The following KIF11 variants were observed in gnomAD, a reference collection of about 807,000 sequenced individuals.
KIF11 encodes the protein kinesin family member 11.
Under a neutral mutation model 121.0 loss-of-function variants are expected in KIF11, and 9 were observed. That is an observed-to-expected ratio of 0.07 (90% CI 0.04 to 0.13). The LOEUF (loss-of-function observed/expected upper bound fraction) is 0.13, where lower values mean the gene tolerates loss of function less well. Ranked by LOEUF, KIF11 falls within the 10% of genes least tolerant of loss-of-function variation. KIF11 has a pLI of 1.00. For missense variants in KIF11, 846 were observed against 1,217.5 expected (o/e 0.69, Z 4.54); for synonymous variants, 408 against 421.0 (o/e 0.97, Z 0.38).
At chr10:92,600,082 T>C (rs1844352410) in intron 1 of KIF11, among the ~76,000 whole-genome samples, 1 of 151,024 alleles carries the variant, frequency 6.6e-6, no homozygotes, top group African/African-American at 2.4e-5. Context: ...CTCGGCTCAC[T>C]GCAACCTCCG....
chr10:92,626,872 G>T (rs995558690), intron 10 of KIF11, among the ~76,000 whole-genome samples: 1 of 151,714 alleles, frequency 6.6e-6, no homozygotes, highest in Non-Finnish European at 1.5e-5. Flanking sequence ...CCATTCTCTC[G>T]CCTCAGCCTC....
At chr10:92,627,464 ACT>A (rs1339413512) in intron 10 of KIF11, among the ~76,000 whole-genome samples, 1 of 152,080 alleles carries the variant, frequency 6.6e-6, no homozygotes, top group African/African-American at 2.4e-5. Flanking sequence ...GTTTCTAAAA[ACT>A]CTTTTCTGCC....
rs769537935 is a variant in KIF11, at chr10:92,637,296, C to T, written c.1988C>T (p.Thr663Ile). The T allele has an allele frequency of 1.3e-6, 2 of 1,593,524 alleles. No homozygotes were observed. The highest frequency in any genetic ancestry group is 1.4e-5 in the African/African-American group (1 of 73,532). ...AAGCATATTTTCAAGACTTCATTGACAGTGGCCGATAAGGTAACAAATGCT... is the reference window on the plus strand; with the variant it reads ...AAGCATATTTTCAAGACTTCATTGATAGTGGCCGATAAGGTAACAAATGCT... ...QLKHIFKTSL[T>I]VADKIEDQKK... Residue 663 changes from threonine to isoleucine, a missense_variant, in exon 15 of 22, where the codon ACA (threonine) becomes ATA (isoleucine). Thr to Ile is a moderately conservative substitution (Grantham distance 89, BLOSUM62 -1). Coordinates refer to ENST00000260731, the MANE Select transcript of KIF11 (RefSeq NM_004523.4).
Position 92,637,260 on chromosome 10 carries a change from A to T in KIF11, c.1952A>T (p.Asn651Ile). The T allele has an allele frequency of 6.3e-7, 1 of 1,590,630 alleles. No homozygotes were observed. The highest frequency in any genetic ancestry group is 8.5e-7 in the Non-Finnish European group (1 of 1,174,696). ...SPTVVSILKI[N>I]SQLKHIFKTS... ...ACTGTGGTGTCTATACTGAAAATCA[A>T]TAGTCAACTAAAGCATATTTTCAAG... Residue 651 changes from asparagine (N) to isoleucine (I), a missense_variant, in exon 15 of 22, where the codon AAT (asparagine) becomes ATT (isoleucine). Asn to Ile is a moderately radical substitution (Grantham distance 149, BLOSUM62 -3). Transcript: ENST00000260731.
At chr10:92,627,721 T>C (rs79126579) in intron 10 of KIF11, among the ~76,000 whole-genome samples, 3,164 of 152,302 alleles carry the variant, frequency 0.021, 49 homozygotes, top group Admixed American at 0.052. Flanking sequence ...GACCTGTAAG[T>C]TCACTATAGA....
intron 21 of KIF11, among the ~76,000 whole-genome samples, chr10:92,651,509 T>G (rs12241432): frequency 6.2e-5 from 2 of 32,140 alleles, no homozygotes; most frequent in Non-Finnish European, 5.4e-5. Flanking sequence ...CTAATTTTGT[T>G]TTTTTTTTTT....
chr10:92,645,732 G>T, intron 18 of KIF11, 90 bp downstream of exon 18: 2 of 1,014,622 alleles, frequency 2.0e-6, no homozygotes, highest in East Asian at 4.9e-5. Flanking sequence ...CAAAACAAAT[G>T]ATATTTTAAG....
rs76363040 is a variant in KIF11, at chr10:92,604,779, G to A, written c.78-1486G>A. On this transcript the variant is annotated intron_variant, in intron 1 of 21. Transcript: ENST00000260731. ...AAAAATGAACTCAGGTCAAGATTAT[G>A]TCTCTCCCTTTGGCCCAGACATGTA... 3.2e-3 allele frequency among the ~76,000 whole-genome samples: 481 copies of A among 152,242 alleles called. 1 individual carries two copies. The highest frequency in any genetic ancestry group is 5.8e-3 in the Non-Finnish European group (395 of 68,018).
chr10:92,655,285 A>G lies in KIF11; in HGVS notation c.*1489A>G, dbSNP rs1845034442. On this transcript the variant is annotated 3_prime_UTR_variant, in exon 22 of 22. Transcript: ENST00000260731. ...TGATCTCGTAGAATTATCTTAATAA[A>G]ATAATGGCTATAATTTCTCTGCAAA... 6.6e-6 allele frequency: 1 copy of G among 152,246 alleles called. No individual in the cohort carries two copies. Among genetic ancestry groups the G allele is most frequent in the Non-Finnish European group, 1.5e-5 (1 of 68,044 alleles). 9.4% of individuals were successfully genotyped at this position (152,246 alleles called of 1,614,324 possible). A position where few individuals can be genotyped will look rare whatever the true frequency, so the allele number is the denominator to read the frequency against.
chr10:92,599,233 G>T (rs928420169), intron 1 of KIF11, among the ~76,000 whole-genome samples: 1 of 151,694 alleles, frequency 6.6e-6, no homozygotes, highest in Non-Finnish European at 1.5e-5. Context: ...AATGTAACTG[G>T]AGGCTGGACG....
intron 21 of KIF11, among the ~76,000 whole-genome samples, chr10:92,653,410 TCTATAA>T (rs2135927791): frequency 6.6e-6 from 1 of 152,294 alleles, no homozygotes; most frequent in East Asian, 1.9e-4. Flanking sequence ...TGGAGTAAAA[TCTATAA>T]CTATGTCTTA....
rs1003412653 is a variant in KIF11, at chr10:92,655,266, C to T, written c.*1470C>T. On this transcript the variant is annotated 3_prime_UTR_variant, in exon 22 of 22. Coordinates refer to ENST00000260731, the MANE Select transcript of KIF11 (RefSeq NM_004523.4). Reference sequence around the variant, plus strand: ...CTACTTCAAGAAACTAAATTGATCTCGTAGAATTATCTTAATAAAATAATG... The same window carrying T: ...CTACTTCAAGAAACTAAATTGATCTTGTAGAATTATCTTAATAAAATAATG... 6 of 152,096 alleles carry T rather than the reference C, an allele frequency of 3.9e-5. No individual in the cohort carries two copies. Among genetic ancestry groups the T allele is most frequent in the African/African-American group, 9.7e-5 (4 of 41,414 alleles). The allele number at this position is 152,096 out of a possible 1,614,324, so 9.4% of individuals were successfully genotyped here.
intron 1 of KIF11, chr10:92,597,155 C>G (rs4604791): frequency 2.8e-4 from 76 of 269,704 alleles, no homozygotes; most frequent in Non-Finnish European, 5.0e-4. Flanking sequence ...GCAATCTTCA[C>G]TTCTCCTGAT....
chr10:92,593,520 A>T (rs942202496), intron 1 of KIF11, 68 bp downstream of exon 1: 63 of 1,360,736 alleles, frequency 4.6e-5, no homozygotes, highest in Non-Finnish European at 6.0e-5. Flanking sequence ...TGCGCGGTCC[A>T]GGGAGAGGGA....
chr10:92,625,695 T>C (rs944545114), intron 10 of KIF11, among the ~76,000 whole-genome samples: 1 of 152,102 alleles, frequency 6.6e-6, no homozygotes, highest in African/African-American at 2.4e-5. Context: ...TCTCTGTCCA[T>C]AAGCTCCTAG....
chr10:92,604,340 T>A (rs1338701237), intron 1 of KIF11, among the ~76,000 whole-genome samples: 1 of 152,148 alleles, frequency 6.6e-6, no homozygotes, highest in Non-Finnish European at 1.5e-5. Flanking sequence ...ATTTTATACG[T>A]CCAGGCAAGA....
chr10:92,593,875 C>A (rs1399644293), intron 1 of KIF11, among the ~76,000 whole-genome samples: 2 of 152,188 alleles, frequency 1.3e-5, no homozygotes, highest in African/African-American at 2.4e-5. Context: ...CCCTACTAAA[C>A]AAGTAAACAT....
chr10:92,635,123 T>C (rs1281986337), intron 14 of KIF11, among the ~76,000 whole-genome samples: 2 of 152,154 alleles, frequency 1.3e-5, no homozygotes, highest in African/African-American at 4.8e-5. Context: ...TTGTGCAGAG[T>C]CTTTGCCTCC....
chr10:92,599,187 A>G (rs1343486806), intron 1 of KIF11, among the ~76,000 whole-genome samples: 2 of 151,724 alleles, frequency 1.3e-5, no homozygotes, highest in African/African-American at 4.8e-5. Context: ...TGTTTTTGTA[A>G]TTTCCTTTTT....
Sources: gnomAD v4.1 joint callset for allele counts (sites outside exome capture counted in the v4.1 genomes callset) on GRCh38, gnomAD v4.1.1 for gene constraint, MANE v1.5 for transcripts, NCBI Gene and HGNC (gene_info 2026-07-23, HGNC 2026-07-21) for gene names.